The following SNHG17 variants were observed in gnomAD, a reference collection of about 807,000 sequenced individuals.
SNHG17 encodes the protein small nucleolar RNA host gene 17.
chr20:38,431,534 G>A (rs750480785), intron 2 of SNHG17, among the ~76,000 whole-genome samples: 2 of 152,166 alleles, frequency 1.3e-5, no homozygotes, highest in African/African-American at 4.8e-5. Flanking sequence ...AACGGAACCT[G>A]CCCCAACCAG....
chr20:38,421,993 C>CA (rs2084162750), intron 6 of SNHG17: 1 of 152,432 alleles, frequency 6.6e-6, no homozygotes, highest in Non-Finnish European at 1.5e-5. Context: ...TACACACACA[C>CA]CCTGAAAGAA....
intron 3 of SNHG17, chr20:38,428,600 G>C (rs2084287522): frequency 6.6e-6 from 1 of 152,244 alleles, no homozygotes; most frequent in Non-Finnish European, 1.5e-5. Context: ...TTATCTCTAA[G>C]AAAGGGGCTA....
At chr20:38,421,288 G>A (rs567331928) in intron 6 of SNHG17, 1 of 152,314 alleles carries the variant, frequency 6.6e-6, no homozygotes, top group South Asian at 2.1e-4. Context: ...CTTTCAAGCA[G>A]TTCACAATCG....
At chr20:38,426,279 G>A (rs1441943261) in intron 4 of SNHG17, 1 of 152,250 alleles carries the variant, frequency 6.6e-6, no homozygotes, top group Non-Finnish European at 1.5e-5. Context: ...GGAAAAGAGG[G>A]TGTCACATGT....
intron 5 of SNHG17, chr20:38,425,106 G>A (rs1050543967): frequency 2.3e-6 from 1 of 436,018 alleles, no homozygotes; most frequent in African/African-American, 2.0e-5. Flanking sequence ...TCTCCGGCCT[G>A]TTGAACCTGG....
At position 38,433,298 on chromosome 20, in the gene SNHG17, C is replaced by T. The variant is rs555145620; in HGVS notation, n.308+1206G>A. ...GCCCATCTCCTGTTTTTCATTTGTT[C>T]CATAACTGCTGAAAATCAACCATCT... On this transcript the variant is annotated intron_variant and non_coding_transcript_variant, in intron 2 of 8. Coordinates refer to ENST00000654008, the Ensembl canonical transcript of SNHG17. Among the ~76,000 whole-genome samples, 172 of 152,168 alleles carry T rather than the reference C, an allele frequency of 1.1e-3. 2 individuals are homozygous for T. The highest frequency in any genetic ancestry group is 3.4e-3 in the Middle Eastern group (1 of 294).
intron 2 of SNHG17, chr20:38,433,902 GACCCTCCA>G: frequency 1.9e-6 from 1 of 519,242 alleles, no homozygotes; most frequent in Non-Finnish European, 3.8e-6. Flanking sequence ...GACAGGAGCG[GACCCTCCA>G]AACACGGGGA....
intron 2 of SNHG17, chr20:38,432,259 T>C: frequency 2.9e-6 from 2 of 700,692 alleles, no homozygotes; most frequent in African/African-American, 1.9e-5. Flanking sequence ...GAAGAACCAG[T>C]CATCAGGGAC....
intron 5 of SNHG17, chr20:38,425,464 C>T (rs1381459554): frequency 2.5e-6 from 1 of 401,120 alleles, no homozygotes; most frequent in Non-Finnish European, 5.0e-6. Flanking sequence ...CTTCTGATTC[C>T]CAAAGATTTC....
At chr20:38,426,377 G>C (rs780906203) in intron 4 of SNHG17, 2 of 152,568 alleles carry the variant, frequency 1.3e-5, no homozygotes, top group African/African-American at 4.8e-5. Flanking sequence ...CTTGCGGCCT[G>C]AACACCAGTG....
chr20:38,432,575 C>G (rs1277888512), intron 2 of SNHG17, among the ~76,000 whole-genome samples: 1 of 152,214 alleles, frequency 6.6e-6, no homozygotes, highest in Non-Finnish European at 1.5e-5. Flanking sequence ...TCAAAGAGAA[C>G]ACCATGGGAT....
At chr20:38,423,705 A>G (rs2084198028) in intron 5 of SNHG17, among the ~76,000 whole-genome samples, 1 of 152,048 alleles carries the variant, frequency 6.6e-6, no homozygotes, top group Non-Finnish European at 1.5e-5. Context: ...GCACAACATA[A>G]GGGATTTCTG....
chr20:38,433,905 C>G (rs759160527), intron 2 of SNHG17: 18 of 519,092 alleles, frequency 3.5e-5, no homozygotes, highest in African/African-American at 2.9e-4. Flanking sequence ...AGGAGCGGAC[C>G]CTCCAAACAC....
rs553915980 is a variant in SNHG17 at position 38,434,945 on chromosome 20, C to T, written n.185+252G>A. On this transcript the variant is annotated intron_variant and non_coding_transcript_variant, in intron 1 of 8. Coordinates refer to ENST00000654008, the Ensembl canonical transcript of SNHG17. ...CGCCATCCAGGGGCACTAAGCCTCCCCGCAGAGTAGCTGCGCGGACAGGGG... is the reference window on the plus strand; with the variant it reads ...CGCCATCCAGGGGCACTAAGCCTCCTCGCAGAGTAGCTGCGCGGACAGGGG... The T allele has an allele frequency of 8.8e-5, 108 of 1,227,526 alleles. No individual in the cohort carries two copies. In the African/African-American group the frequency reaches 1.6e-3, roughly 18 times the overall value. The allele number at this position is 1,227,526 out of a possible 1,614,324, so 76.0% of individuals were successfully genotyped here. A position where few individuals can be genotyped will look rare whatever the true frequency, so the allele number is the denominator to read the frequency against.
At chr20:38,427,333 T>C (rs753588779) in intron 3 of SNHG17, 1 of 513,424 alleles carries the variant, frequency 1.9e-6, no homozygotes, top group Admixed American at 2.0e-5. Context: ...AGGGTTCGGA[T>C]GGGATAGGGT....
chr20:38,427,411 C>G (rs1185288698), intron 3 of SNHG17: 1 of 518,550 alleles, frequency 1.9e-6, no homozygotes, highest in South Asian at 1.4e-5. Flanking sequence ...GACCTAGGCA[C>G]AGGCAGCCTA....
intron 5 of SNHG17, among the ~76,000 whole-genome samples, chr20:38,422,587 C>A (rs972096656): frequency 5.3e-5 from 8 of 152,132 alleles, no homozygotes; most frequent in Non-Finnish European, 1.0e-4. Context: ...ATTACATAGA[C>A]CCAGCTATCC....
At chr20:38,433,671 A>G (rs918202503) in intron 2 of SNHG17, among the ~76,000 whole-genome samples, 4 of 152,350 alleles carry the variant, frequency 2.6e-5, no homozygotes, top group Admixed American at 2.6e-4. Flanking sequence ...AAAGACAATC[A>G]AGCCAGTAAT....
exon 7 of SNHG17, chr20:38,421,037 C>T (rs8121565): frequency 0.05 from 7,580 of 152,270 alleles, 570 homozygotes; most frequent in African/African-American, 0.16. Context: ...ACCCAGATCC[C>T]AGATCACCAA....
Sources: gnomAD v4.1 joint callset for allele counts (sites outside exome capture counted in the v4.1 genomes callset) on GRCh38, gnomAD v4.1.1 for gene constraint, MANE v1.5 for transcripts, NCBI Gene and HGNC (gene_info 2026-07-23, HGNC 2026-07-21) for gene names.